Variants in RASSF3 observed in about 807,000 individuals in gnomAD.
The protein encoded by RASSF3 is Ras association domain family member 3, also known as ras association domain-containing protein 3.
In RASSF3, 19 loss-of-function variants were observed where a neutral mutation model predicts 19.9. The ratio of observed to expected loss-of-function variants is 0.96; its 90% confidence interval spans 0.67 to 1.40. The LOEUF (loss-of-function observed/expected upper bound fraction) is 1.40, where lower values mean the gene tolerates loss of function less well. Among genes scored for constraint, RASSF3 ranks in the 40% most tolerant of loss-of-function variants. The pLI is 0.00. For synonymous variants in RASSF3, 110 were observed against 104.2 expected (o/e 1.06, Z -0.34); for missense variants, 306 against 289.8 (o/e 1.06, Z -0.41).
chr12:64,523,230 ACC>A (rs1868514998), intron 1 of RASSF3, among the ~76,000 whole-genome samples: 1 of 151,988 alleles, frequency 6.6e-6, no homozygotes, highest in Non-Finnish European at 1.5e-5. Flanking sequence ...ACATGGCGAA[ACC>A]CCATCTCTAT....
chr12:64,651,114 T>C (rs1252051825), intron 1 of RASSF3, among the ~76,000 whole-genome samples: 1 of 152,180 alleles, frequency 6.6e-6, no homozygotes, highest in South Asian at 2.1e-4. Flanking sequence ...TTACTAAGGA[T>C]ATGTTACTGC....
rs573168563 is a variant in RASSF3, at chr12:64,552,284, T to C, written c.294+10579T>C. 2.0e-5 allele frequency among the ~76,000 whole-genome samples: 3 copies of C among 151,298 alleles called. No homozygotes were observed. In the East Asian group the frequency reaches 5.8e-4, roughly 29 times the overall value. The stretch of plus-strand genomic sequence containing the variant: ...CGGGCAAGAGATTTGAACCCTGGGT[T>C]CCACTGCCCTTATTTTCTTTTTTTA... On this transcript the variant is annotated intron_variant, in intron 2 of 5. Coordinates refer to the RASSF3 transcript ENST00000637125.
intron 1 of RASSF3, among the ~76,000 whole-genome samples, chr12:64,646,720 G>A (rs1262478262): frequency 1.3e-5 from 2 of 150,962 alleles, no homozygotes; most frequent in Non-Finnish European, 2.9e-5. Context: ...TACTTCAAAA[G>A]GGATCAGTGT....
At chr12:64,585,345 G>T (rs1869776831) in intron 2 of RASSF3, among the ~76,000 whole-genome samples, 1 of 152,146 alleles carries the variant, frequency 6.6e-6, no homozygotes, top group East Asian at 1.9e-4. Context: ...CCAGCAGGAG[G>T]GAGGCTGACG....
At chr12:64,601,107 G>A (rs1436609196) in intron 2 of RASSF3, among the ~76,000 whole-genome samples, 1 of 152,040 alleles carries the variant, frequency 6.6e-6, no homozygotes, top group Non-Finnish European at 1.5e-5. Context: ...GGGCAACACA[G>A]GCAGACCATG....
At chr12:64,596,445 G>A (rs538353435) in intron 2 of RASSF3, among the ~76,000 whole-genome samples, 2 of 152,324 alleles carry the variant, frequency 1.3e-5, no homozygotes, top group East Asian at 3.9e-4. Flanking sequence ...TTGGCTCACA[G>A]TTCTGCAGGC....
At chr12:64,638,443 G>A (rs902582058) in intron 1 of RASSF3, among the ~76,000 whole-genome samples, 7 of 152,122 alleles carry the variant, frequency 4.6e-5, no homozygotes, top group Non-Finnish European at 8.8e-5. Flanking sequence ...AGCTGGGCGT[G>A]GTGGCGGGCG....
intron 1 of RASSF3, among the ~76,000 whole-genome samples, chr12:64,662,237 G>GCCT (rs1404672986): frequency 1.4e-5 from 2 of 141,862 alleles, no homozygotes; most frequent in African/African-American, 5.3e-5. Flanking sequence ...TGGTCAACAT[G>GCCT]GTGAAACCCC....
chr12:64,636,774 G>C (rs1190050847), intron 1 of RASSF3, among the ~76,000 whole-genome samples: 1 of 151,290 alleles, frequency 6.6e-6, no homozygotes, highest in Non-Finnish European at 1.5e-5. Context: ...GGTGAGGCAG[G>C]AGAATCATTT....
At chr12:64,608,475 AC>A (rs914360023), upstream of RASSF3, among the ~76,000 whole-genome samples, 1 of 152,044 alleles carries the variant, frequency 6.6e-6, no homozygotes, top group Non-Finnish European at 1.5e-5. Context: ...ACCACGCCCA[AC>A]TAATTTTTGT....
chr12:64,607,573 C>G (rs1051349634), upstream of RASSF3, among the ~76,000 whole-genome samples: 1 of 151,992 alleles, frequency 6.6e-6, no homozygotes, highest in African/African-American at 2.4e-5. Context: ...GGGGGTTTCA[C>G]CATGTTGGTC....
chr12:64,602,489 G>A (rs1415474949), intron 2 of RASSF3, among the ~76,000 whole-genome samples: 2 of 151,856 alleles, frequency 1.3e-5, no homozygotes, highest in African/African-American at 4.8e-5. Flanking sequence ...GCTGAGACAG[G>A]GGAATTGCTT....
chr12:64,530,684 A>ATGCG (rs1433506758), upstream of RASSF3, among the ~76,000 whole-genome samples: 3 of 152,222 alleles, frequency 2.0e-5, no homozygotes, highest in Non-Finnish European at 4.4e-5. Context: ...TCTCACCCGC[A>ATGCG]GCCTGTAAGA....
At chr12:64,547,514 C>T (rs766271616) in intron 2 of RASSF3, among the ~76,000 whole-genome samples, 2 of 151,800 alleles carry the variant, frequency 1.3e-5, no homozygotes, top group Admixed American at 6.6e-5. Context: ...TTGCAGTGAG[C>T]GGAGATCATG....
chr12:64,691,610 A>AG (rs768353802), intron 4 of RASSF3, 31 bp downstream of exon 4: 1 of 1,298,486 alleles, frequency 7.7e-7, no homozygotes, highest in South Asian at 1.2e-5. Flanking sequence ...GCTTTAAACT[A>AG]TACAGAACAG....
intron 1 of RASSF3, among the ~76,000 whole-genome samples, chr12:64,611,953 T>A (rs1052835071): frequency 6.6e-6 from 1 of 152,234 alleles, no homozygotes; most frequent in African/African-American, 2.4e-5. Context: ...TCAAGTGCCC[T>A]TATTCAGTAA....
chr12:64,551,872 T>C (rs1869169985), intron 2 of RASSF3, among the ~76,000 whole-genome samples: 1 of 152,154 alleles, frequency 6.6e-6, no homozygotes, highest in Non-Finnish European at 1.5e-5. Context: ...AACTACGAAA[T>C]GTTTTCCAAA....
At chr12:64,562,490 C>T (rs1869364876) in intron 2 of RASSF3, among the ~76,000 whole-genome samples, 2 of 152,176 alleles carry the variant, frequency 1.3e-5, no homozygotes, top group African/African-American at 4.8e-5. Flanking sequence ...ATTGCTTTTC[C>T]ATCCTTTCCG....
intron 1 of RASSF3, among the ~76,000 whole-genome samples, chr12:64,674,125 G>C (rs573363646): frequency 3.9e-5 from 6 of 152,260 alleles, no homozygotes; most frequent in African/African-American, 1.2e-4. Context: ...AGAGTATTTA[G>C]GGGGCATGCT....
Sources: gnomAD v4.1 joint callset for allele counts (sites outside exome capture counted in the v4.1 genomes callset) on GRCh38, gnomAD v4.1.1 for gene constraint, MANE v1.5 for transcripts, NCBI Gene and HGNC (gene_info 2026-07-23, HGNC 2026-07-21) for gene names.